Variants in RTN1 observed in about 807,000 individuals in gnomAD.
The protein encoded by RTN1 is reticulon-1.
In RTN1, 25 loss-of-function variants were observed where a neutral mutation model predicts 65.5. The ratio of observed to expected loss-of-function variants is 0.38; its 90% CI spans 0.28 to 0.53. The LOEUF (loss-of-function observed/expected upper bound fraction) is 0.53. Ranked by LOEUF, RTN1 falls within the 20% of genes least tolerant of loss-of-function variation. RTN1 has a pLI of 0.79. For synonymous variants in RTN1, 471 were observed against 447.6 expected, an observed-to-expected ratio of 1.05 and a Z score of -0.66; for missense variants, 983 against 1,025.4, an observed-to-expected ratio of 0.96 and a Z score of 0.57.
At chr14:59,746,844 A>C (rs1470420925) in intron 1 of RTN1, among the ~76,000 whole-genome samples, 1 of 152,168 alleles carries the variant, frequency 6.6e-6, no homozygotes, top group Non-Finnish European at 1.5e-5. Flanking sequence ...CTAAAGTATT[A>C]ACAGCTCTTT....
In RTN1 at chr14:59,870,753, C is replaced by G. The variant is rs1229403542; in HGVS notation, c.-123G>C. On this transcript the variant is annotated 5_prime_UTR_variant, in exon 1 of 9. Coordinates refer to ENST00000267484, the MANE Select transcript of RTN1 (RefSeq NM_021136.3). The surrounding 1 kb of genome is among the most constrained non-coding windows in gnomAD (Gnocchi z 5.1). Reference sequence around the variant, plus strand: ...GCTCAGGGAAGCTGCGGTGTCTCAGCGTCGCCGCCGCCTCTGCTGCAACTC... The same window carrying G: ...GCTCAGGGAAGCTGCGGTGTCTCAGGGTCGCCGCCGCCTCTGCTGCAACTC... 3.3e-5 allele frequency: 36 copies of G among 1,084,350 alleles called. No individual in the cohort carries two copies. Among genetic ancestry groups the G allele is most frequent in the Non-Finnish European group, 4.2e-5 (36 of 849,588 alleles). The allele number at this position is 1,084,350 out of a possible 1,614,324, so 67.2% of individuals were successfully genotyped here. A position where few individuals can be genotyped will look rare whatever the true frequency, so the allele number is the denominator to read the frequency against.
chr14:59,799,952 C>T (rs1416183683), intron 1 of RTN1, among the ~76,000 whole-genome samples: 3 of 152,092 alleles, frequency 2.0e-5, no homozygotes, highest in Non-Finnish European at 4.4e-5. Flanking sequence ...TCACCTAAAA[C>T]TAAAGCTAGA....
chr14:59,695,390 C>T (rs554162910), intron 3 of RTN1, among the ~76,000 whole-genome samples: 1 of 152,226 alleles, frequency 6.6e-6, no homozygotes, highest in African/African-American at 2.4e-5. Flanking sequence ...TGAGGGAACA[C>T]GATGTTCACT....
At chr14:59,764,414 A>G (rs1319858921) in intron 1 of RTN1, among the ~76,000 whole-genome samples, 3 of 151,566 alleles carry the variant, frequency 2.0e-5, no homozygotes, top group East Asian at 1.9e-4. Context: ...TCCGCCTCCT[A>G]GGTTCAAGCA....
At chr14:59,813,947 A>G (rs1886774316) in intron 1 of RTN1, among the ~76,000 whole-genome samples, 1 of 152,238 alleles carries the variant, frequency 6.6e-6, no homozygotes, top group Non-Finnish European at 1.5e-5. Context: ...ATGAGGAGAT[A>G]AAACAATTGG....
At chr14:59,675,677 T>G (rs1883612584) in intron 3 of RTN1, among the ~76,000 whole-genome samples, 3 of 151,914 alleles carry the variant, frequency 2.0e-5, no homozygotes, top group Admixed American at 2.0e-4. Context: ...AGAGGTTAAG[T>G]AACTTGTCTA....
At chr14:59,824,454 G>A (rs892134397) in intron 1 of RTN1, among the ~76,000 whole-genome samples, 1 of 152,122 alleles carries the variant, frequency 6.6e-6, no homozygotes, top group Non-Finnish European at 1.5e-5. Flanking sequence ...AGGGTGGAGA[G>A]TTCACTCTTT....
rs146230451 is a variant in RTN1 at position 59,707,914 on chromosome 14, A to G, written c.1765+19005T>C. On this transcript the variant is annotated intron_variant, in intron 3 of 8. Coordinates refer to ENST00000267484, the MANE Select transcript of RTN1 (RefSeq NM_021136.3). ...GAGATTGCTGTGTTCTACTGAAACT[A>G]AAAAAAGATAGGGAATTGCTGCAAG... 1.2e-4 allele frequency among the ~76,000 whole-genome samples: 18 copies of G among 152,302 alleles called. No homozygotes were observed. The East Asian group carries it at 3.5e-3, about 29-fold the overall frequency.
chr14:59,755,057 G>A (rs552886284), intron 1 of RTN1, among the ~76,000 whole-genome samples: 19 of 152,236 alleles, frequency 1.2e-4, no homozygotes, highest in Middle Eastern at 3.4e-3. Flanking sequence ...TCCTGTGGAC[G>A]GAGCCTATTC....
chr14:59,839,873 A>C (rs1722945386), intron 1 of RTN1, among the ~76,000 whole-genome samples: 1 of 152,178 alleles, frequency 6.6e-6, no homozygotes, highest in African/African-American at 2.4e-5. Flanking sequence ...TTACACATAC[A>C]GAAAAAAATC....
chr14:59,693,954 T>C (rs1403753346), intron 3 of RTN1, among the ~76,000 whole-genome samples: 1 of 152,234 alleles, frequency 6.6e-6, no homozygotes, highest in African/African-American at 2.4e-5. Flanking sequence ...CATCTGAAGA[T>C]GAGTTTTCTG....
At position 59,766,939 on chromosome 14, in the gene RTN1, C is replaced by T. The variant is rs751964562; in HGVS notation, c.242-20458G>A. Among the ~76,000 whole-genome samples, 3 of 152,212 alleles carry T rather than the reference C, an allele frequency of 2.0e-5. No individual in the cohort carries two copies. The highest frequency in any genetic ancestry group is 4.8e-5 in the African/African-American group (2 of 41,460). Reference sequence around the variant, plus strand: ...CAGTATATCGGGCACTGAGCACCTACTATGTGGTAGGTACTTATTCTAGTT... The same window carrying T: ...CAGTATATCGGGCACTGAGCACCTATTATGTGGTAGGTACTTATTCTAGTT... On this transcript the variant is annotated intron_variant, in intron 1 of 8. Transcript: ENST00000267484. This position sits in a 1 kb window ranked among gnomAD's most constrained non-coding sequence, Gnocchi z 4.4.
At chr14:59,744,036 C>A (rs1186838865) in intron 2 of RTN1, among the ~76,000 whole-genome samples, 3 of 152,034 alleles carry the variant, frequency 2.0e-5, no homozygotes, top group African/African-American at 7.3e-5. Context: ...TCTTTAAGAC[C>A]CTTGGAGTTC....
chr14:59,768,725 TA>T (rs11433617), intron 1 of RTN1, among the ~76,000 whole-genome samples: 9 of 151,534 alleles, frequency 5.9e-5, no homozygotes, highest in African/African-American at 1.2e-4. Context: ...GTCTCGCTGT[TA>T]AAAAAAAATT....
At chr14:59,787,510 T>C (rs758886753) in intron 1 of RTN1, among the ~76,000 whole-genome samples, 13 of 152,250 alleles carry the variant, frequency 8.5e-5, no homozygotes, top group Non-Finnish European at 1.3e-4. Flanking sequence ...ATGGCAGTGA[T>C]GCTAGTATTA....
In RTN1 at chr14:59,769,386, AT is replaced by A. The variant is rs558196717; in HGVS notation, c.242-22906del. ...AGGCTTAAAGTGCTAGTTACACAAT[AT>A]GAATATAAAAACATTTACCACTAAG... On this transcript the variant is annotated intron_variant, in intron 1 of 8. Coordinates refer to ENST00000267484, the MANE Select transcript of RTN1 (RefSeq NM_021136.3). 2.2e-3 allele frequency among the ~76,000 whole-genome samples: 341 copies of A among 152,302 alleles called. 1 individual carries two copies. Among genetic ancestry groups the A allele is most frequent in the Non-Finnish European group, 3.9e-3 (262 of 68,032 alleles).
At chr14:59,611,468 T>G (rs947160328) in intron 3 of RTN1, among the ~76,000 whole-genome samples, 2 of 152,210 alleles carry the variant, frequency 1.3e-5, no homozygotes, top group South Asian at 4.1e-4. Context: ...GGTGTCTGTC[T>G]GTAGCCCCAT....
intron 1 of RTN1, among the ~76,000 whole-genome samples, chr14:59,757,743 A>G (rs1275227511): frequency 6.6e-6 from 1 of 152,130 alleles, no homozygotes; most frequent in Non-Finnish European, 1.5e-5. Flanking sequence ...CAGTGCCTTG[A>G]TCTTGGACTT....
chr14:59,607,741 T>C (rs1595110980), intron 3 of RTN1: 6 of 505,770 alleles, frequency 1.2e-5, no homozygotes, highest in South Asian at 1.0e-4. Flanking sequence ...TGAATCTCCA[T>C]TGACCATATC....
Sources: allele counts gnomAD v4.1 joint callset (sites outside exome capture counted in the v4.1 genomes callset), GRCh38; gene constraint gnomAD v4.1.1; non-coding constraint Gnocchi (gnomAD v3.1); transcripts MANE v1.5; gene names NCBI Gene and HGNC (gene_info 2026-07-23, HGNC 2026-07-21).